The following RUVBL2 variants were observed in gnomAD, a reference collection of about 807,000 sequenced individuals.
RUVBL2 encodes the protein RuvB like AAA ATPase 2.
A neutral mutation model predicts 57.9 loss-of-function variants in RUVBL2; 9 were observed. That is an observed-to-expected ratio of 0.16 (90% CI 0.09 to 0.27). The LOEUF (loss-of-function observed/expected upper bound fraction) is 0.27. Among genes scored for constraint, RUVBL2 ranks in the 10% least tolerant of loss-of-function variants. The probability of loss-of-function intolerance (pLI) is 1.00; values close to 1 mark genes in which losing one functional copy is unlikely to be tolerated. For synonymous variants in RUVBL2, 278 were observed against 264.6 expected (o/e 1.05, Z -0.49); for missense variants, 456 against 669.6 (o/e 0.68, Z 3.52).
chr19:49,011,396 C>CA lies in RUVBL2; in HGVS notation c.1001+87dup. 9.0e-7 allele frequency: 1 copy of CA among 1,111,868 alleles called. No homozygotes were observed. The highest frequency in any genetic ancestry group is 1.3e-5 in the South Asian group (1 of 79,584). The allele number at this position is 1,111,868 out of a possible 1,614,324, so 68.9% of individuals were successfully genotyped here. A position where few individuals can be genotyped will look rare whatever the true frequency, so the allele number is the denominator to read the frequency against. On this transcript the variant is annotated intron_variant, in intron 11 of 14. Coordinates refer to ENST00000595090, the MANE Select transcript of RUVBL2 (RefSeq NM_006666.3). The surrounding 1 kb of genome is among the most constrained non-coding windows in gnomAD (Gnocchi z 4.4). ...GAGGGTCAATGGGAGCCTGTGTTGA[C>CA]ACCGGGTCAGGGAGGGACGCGTGAC...
intron 1 of RUVBL2, among the ~76,000 whole-genome samples, chr19:48,997,118 A>G (rs879197037): frequency 3.9e-5 from 6 of 152,044 alleles, no homozygotes; most frequent in East Asian, 1.9e-4. Flanking sequence ...CGTCACCCCA[A>G]AAAGAAACCC....
At chr19:49,000,335 A>T (rs1411291474) in intron 2 of RUVBL2, among the ~76,000 whole-genome samples, 7 of 152,222 alleles carry the variant, frequency 4.6e-5, no homozygotes, top group African/African-American at 1.7e-4. Flanking sequence ...TGGGCGGATC[A>T]CCTGAGGTCA....
At chr19:48,999,285 A>T (rs774745235) in intron 1 of RUVBL2, 34 bp from the exon 2 acceptor site, 1 of 1,613,116 alleles carries the variant, frequency 6.2e-7, no homozygotes, top group South Asian at 1.1e-5. Flanking sequence ...CTGGGACCAC[A>T]CTAGTCCTCT....
chr19:49,010,136 T>TGGGTCAAGGGGGTGA, intron 8 of RUVBL2, 70 bp downstream of exon 8: 3 of 1,364,474 alleles, frequency 2.2e-6, no homozygotes, highest in Non-Finnish European at 3.1e-6. Flanking sequence ...CATCACCCCC[T>TGGGTCAAGGGGGTGA]TGACCCATGG....
In RUVBL2 at chr19:49,010,869, G is replaced by C. The variant is rs143657314; in HGVS notation, c.788-130G>C. ...TTCCTCCTCTTTGGGGATGTTTCAG[G>C]CTCCTCATCCCTCCTTGCTTTGCTC... On this transcript the variant is annotated intron_variant, in intron 9 of 14. Transcript: ENST00000595090. 4.4e-6 allele frequency: 4 copies of C among 914,910 alleles called. No homozygotes were observed. In the African/African-American group the frequency reaches 6.5e-5, roughly 15 times the overall value. 56.7% of individuals were successfully genotyped at this position (914,910 alleles called of 1,614,324 possible). A position where few individuals can be genotyped will look rare whatever the true frequency, so the allele number is the denominator to read the frequency against.
intron 2 of RUVBL2, 102 bp downstream of exon 2, chr19:48,999,475 G>A (rs2039133968): frequency 1.7e-6 from 2 of 1,190,488 alleles, no homozygotes; most frequent in Admixed American, 1.7e-5. Context: ...GAGGTGGCCT[G>A]CACACCAACT....
At chr19:49,013,635 C>A (rs1764436476) in intron 11 of RUVBL2, among the ~76,000 whole-genome samples, 1 of 152,146 alleles carries the variant, frequency 6.6e-6, no homozygotes, top group Non-Finnish European at 1.5e-5. Context: ...ATACATGAGG[C>A]CAGGCGCGGT....
In RUVBL2 at chr19:49,011,600, C is replaced by T. The variant is rs987174543; in HGVS notation, c.1001+290C>T. ...GTGCTGCAGGAAACTCACAGGAGTG[C>T]TGTGGGATGTTTTCTAGTCTTGAGG... is the stretch of plus-strand genomic sequence containing the variant. On this transcript the variant is annotated intron_variant, in intron 11 of 14. Transcript: ENST00000595090. The surrounding 1 kb of genome is among the most constrained non-coding windows in gnomAD (Gnocchi z 4.4). Among the ~76,000 whole-genome samples the T allele has an allele frequency of 2.0e-5, 3 of 152,196 alleles. No individual in the cohort carries two copies. Among genetic ancestry groups the T allele is most frequent in the African/African-American group, 4.8e-5 (2 of 41,452 alleles).
At chr19:49,001,161 A>AC in intron 2 of RUVBL2, among the ~76,000 whole-genome samples, 1 of 147,716 alleles carries the variant, frequency 6.8e-6, no homozygotes, top group East Asian at 2.0e-4. Flanking sequence ...AAAAATAAAA[A>AC]CATTTTTTTT....
chr19:48,997,600 G>A (rs2039087364), intron 1 of RUVBL2, among the ~76,000 whole-genome samples: 1 of 146,260 alleles, frequency 6.8e-6, no homozygotes, highest in African/African-American at 2.6e-5. Flanking sequence ...TTGCACTCCA[G>A]CCTAGGTGAC....
chr19:49,011,308 G>T lies in RUVBL2; in HGVS notation c.999G>T (p.Thr333=). 1.1e-5 allele frequency: 18 copies of T among 1,612,994 alleles called. No individual in the cohort carries two copies. Among genetic ancestry groups the T allele is most frequent in the Non-Finnish European group, 1.4e-5 (16 of 1,179,362 alleles). The change falls in exon 11 of 15, where the codon ACG becomes ACT. Residue 333 remains threonine (T), a splice_region_variant and synonymous_variant. Coordinates refer to ENST00000595090, the MANE Select transcript of RUVBL2 (RefSeq NM_006666.3). This position sits in a 1 kb window ranked among gnomAD's most constrained non-coding sequence, Gnocchi z 4.4. ...TCATGGCCACCAACCGTGGCATCAC[G>T]CGGTGAGCCGGCTACAGGGGCCTCT... The part of the protein sequence containing the change: ...VLIMATNRGI[T]RIRGTSYQSP...
chr19:49,007,275 G>A (rs1331340082), intron 5 of RUVBL2, 27 bp from the exon 6 acceptor site: 2 of 1,611,566 alleles, frequency 1.2e-6, no homozygotes, highest in African/African-American at 1.3e-5. Flanking sequence ...GTGTCAGGCT[G>A]TCTCCTCAGA....
At chr19:49,007,170 G>A in intron 5 of RUVBL2, 23 bp downstream of exon 5, 2 of 1,612,914 alleles carry the variant, frequency 1.2e-6, no homozygotes, top group Non-Finnish European at 8.5e-7. Flanking sequence ...CCCGAGGCGG[G>A]TGCCAGACCC....
chr19:49,014,279 G>A (rs968225176), intron 11 of RUVBL2, among the ~76,000 whole-genome samples: 7 of 152,340 alleles, frequency 4.6e-5, no homozygotes, highest in South Asian at 2.1e-4. Flanking sequence ...CCAGCTCCGC[G>A]GAAAGGTGCC....
intron 4 of RUVBL2, among the ~76,000 whole-genome samples, chr19:49,006,501 T>C (rs1337678051): frequency 6.6e-6 from 1 of 152,220 alleles, no homozygotes; most frequent in East Asian, 1.9e-4. Context: ...CTGGCACGTG[T>C]TCTGTTATCA....
chr19:49,013,862 C>T (rs926852901), intron 11 of RUVBL2, among the ~76,000 whole-genome samples: 2 of 152,202 alleles, frequency 1.3e-5, no homozygotes, highest in African/African-American at 2.4e-5. Context: ...TGCAGTGAGC[C>T]GAGATCGCGC....
chr19:49,010,473 A>AC lies in RUVBL2; in HGVS notation c.664-10dup. 157 of 753,670 alleles carry AC rather than the reference A, an allele frequency of 2.1e-4. No individual in the cohort carries two copies. The highest frequency in any genetic ancestry group is 2.7e-4 in the Non-Finnish European group (134 of 502,870). 46.7% of individuals were successfully genotyped at this position (753,670 alleles called of 1,614,324 possible). On this transcript the variant is annotated splice_polypyrimidine_tract_variant and intron_variant, in intron 8 of 14. Transcript: ENST00000595090. ...GCCCTGTCTCCGCCGTTCTTCCCCC[A>AC]CCCCCGCCCCATAGACCAAGTTCGT... is the stretch of plus-strand genomic sequence containing the variant.
intron 2 of RUVBL2, among the ~76,000 whole-genome samples, chr19:49,001,104 C>T (rs2039169855): frequency 6.7e-6 from 1 of 149,182 alleles, no homozygotes; most frequent in Non-Finnish European, 1.5e-5. Flanking sequence ...GTGACTGCAC[C>T]ATGCACTCCA....
At chr19:49,008,397 C>T (rs768532054) in intron 6 of RUVBL2, among the ~76,000 whole-genome samples, 5 of 149,742 alleles carry the variant, frequency 3.3e-5, no homozygotes, top group Non-Finnish European at 6.0e-5. Context: ...CCTGCCACCA[C>T]GCCCGGCTAA....
Sources: gnomAD v4.1 joint callset for allele counts (sites outside exome capture counted in the v4.1 genomes callset) on GRCh38, gnomAD v4.1.1 for gene constraint, Gnocchi (gnomAD v3.1) non-coding constraint, MANE v1.5 for transcripts, NCBI Gene and HGNC (gene_info 2026-07-23, HGNC 2026-07-21) for gene names.